DPP6: variants seen among roughly 807,000 people sequenced by gnomAD.
DPP6 encodes the protein A-type potassium channel modulatory protein DPP6.
In DPP6, 69 loss-of-function variants were observed where a neutral mutation model predicts 122.6. The observed-to-expected ratio is 0.56, with a 90% CI of 0.46 to 0.69. DPP6 has a LOEUF of 0.69. Among genes scored for constraint, DPP6 ranks in the 30% least tolerant of loss-of-function variants. DPP6 has a pLI of 0.00. For synonymous variants in DPP6, 418 were observed against 433.1 expected (o/e 0.97, Z 0.43); for missense variants, 928 against 1,116.9 (o/e 0.83, Z 2.41).
intron 8 of DPP6, among the ~76,000 whole-genome samples, chr7:154,738,555 CCTTT>C (rs1459158149): frequency 6.6e-6 from 1 of 152,162 alleles, no homozygotes; most frequent in Non-Finnish European, 1.5e-5. Context: ...ATTCTTCCGA[CCTTT>C]CTTAGATGAA....
chr7:154,031,933 C>T (rs145335334), intron 1 of DPP6, among the ~76,000 whole-genome samples: 2,688 of 149,598 alleles, frequency 0.018, 86 homozygotes, highest in African/African-American at 0.063. Context: ...ACAATCTCGG[C>T]TCACTGCAAG....
chr7:154,380,079 A>C (rs995658477), intron 1 of DPP6, among the ~76,000 whole-genome samples: 1 of 152,236 alleles, frequency 6.6e-6, no homozygotes, highest in African/African-American at 2.4e-5. Context: ...GGTTGAGGGG[A>C]GAATATACTA....
chr7:154,391,071 T>C (rs113992082), intron 1 of DPP6, among the ~76,000 whole-genome samples: 13 of 152,282 alleles, frequency 8.5e-5, no homozygotes, highest in African/African-American at 3.1e-4. Context: ...CATAAAGCTG[T>C]CAGTGCCATC....
the DPP6 span, among the ~76,000 whole-genome samples, chr7:153,882,067 A>G: frequency 6.2e-4 from 95 of 152,350 alleles, no homozygotes; most frequent in East Asian, 0.015. Flanking sequence ...GTCTCTCAAC[A>G]TATTTTAAGT....
At chr7:154,487,139 T>C (rs1823868884) in intron 3 of DPP6, among the ~76,000 whole-genome samples, 1 of 152,202 alleles carries the variant, frequency 6.6e-6, no homozygotes, top group Admixed American at 6.5e-5. Context: ...CTTCTTTTTT[T>C]GTTTTTGCTT....
intron 11 of DPP6, among the ~76,000 whole-genome samples, chr7:154,795,108 CGTG>C (rs1797961822): frequency 4.6e-5 from 7 of 152,046 alleles, no homozygotes; most frequent in Admixed American, 1.3e-4. Flanking sequence ...AAGGAAGGAA[CGTG>C]AGGACACAAA....
intron 18 of DPP6, 56 bp from the exon 19 acceptor site, chr7:154,872,568 G>A (rs377521580): frequency 7.3e-5 from 114 of 1,552,802 alleles, no homozygotes; most frequent in South Asian, 1.7e-4. Context: ...GGGCATGCCC[G>A]ATACCCCGTG....
chr7:153,870,789 C>A, the DPP6 span, among the ~76,000 whole-genome samples: 1 of 152,106 alleles, frequency 6.6e-6, no homozygotes, highest in South Asian at 2.1e-4. Context: ...TTTTATCTAC[C>A]TTTAGTCTTT....
chr7:154,326,930 T>C (rs1403263593), intron 1 of DPP6, among the ~76,000 whole-genome samples: 2 of 152,162 alleles, frequency 1.3e-5, no homozygotes, highest in African/African-American at 4.8e-5. Context: ...AGCCTGGAAA[T>C]AGTATTCACT....
At chr7:154,187,911 G>A (rs1159161634) in intron 1 of DPP6, among the ~76,000 whole-genome samples, 2 of 152,112 alleles carry the variant, frequency 1.3e-5, no homozygotes, top group Non-Finnish European at 2.9e-5. Context: ...TGAGGCCCGG[G>A]ATATCAATAC....
At chr7:153,803,682 ATATG>A in the DPP6 span, among the ~76,000 whole-genome samples, 10 of 151,396 alleles carry the variant, frequency 6.6e-5, no homozygotes, top group African/African-American at 2.4e-4. Context: ...GTGTATATAT[ATATG>A]TATTATATAT....
chr7:154,772,805 AG>A, intron 9 of DPP6, 39 bp from the exon 10 acceptor site: 1 of 1,593,938 alleles, frequency 6.3e-7, no homozygotes, highest in Non-Finnish European at 8.5e-7. Context: ...CTCTTGTATA[AG>A]GCTGCTTGTT....
chr7:154,400,141 G>A (rs917270264), intron 1 of DPP6, among the ~76,000 whole-genome samples: 2 of 152,294 alleles, frequency 1.3e-5, no homozygotes, highest in African/African-American at 4.8e-5. Flanking sequence ...GTTTGTCTGT[G>A]CAGGAAGCAG....
At chr7:154,854,383 T>G (rs1243553047) in intron 17 of DPP6, among the ~76,000 whole-genome samples, 1 of 151,410 alleles carries the variant, frequency 6.6e-6, no homozygotes, top group Non-Finnish European at 1.5e-5. Flanking sequence ...CCCGTGGGGG[T>G]TTATAGCCAG....
intron 8 of DPP6, among the ~76,000 whole-genome samples, chr7:154,756,327 G>A (rs967820954): frequency 1.3e-5 from 2 of 152,172 alleles, no homozygotes; most frequent in African/African-American, 2.4e-5. Flanking sequence ...TGCTCCCTCA[G>A]TTGGGCCCCT....
chr7:154,463,562 A>G (rs1331275173), intron 2 of DPP6, among the ~76,000 whole-genome samples: 1 of 152,070 alleles, frequency 6.6e-6, no homozygotes, highest in Non-Finnish European at 1.5e-5. Flanking sequence ...ACAGCTGGGA[A>G]TGTCCTGGGT....
At chr7:154,200,364 G>A (rs1799107362) in intron 1 of DPP6, among the ~76,000 whole-genome samples, 1 of 151,918 alleles carries the variant, frequency 6.6e-6, no homozygotes, top group African/African-American at 2.4e-5. Context: ...TTCCCTTCTC[G>A]CTATTTTGAA....
chr7:154,732,734 T>A (rs1563151091), intron 8 of DPP6, among the ~76,000 whole-genome samples: 1 of 152,112 alleles, frequency 6.6e-6, no homozygotes, highest in Non-Finnish European at 1.5e-5. Context: ...CCTTAACTAG[T>A]CAAGAACATA....
the DPP6 span, among the ~76,000 whole-genome samples, chr7:153,827,591 C>A: frequency 6.6e-6 from 1 of 152,062 alleles, no homozygotes; most frequent in Admixed American, 6.6e-5. Flanking sequence ...CAAACATGCC[C>A]CAAGAAATGC....
Sources: gnomAD v4.1 joint callset for allele counts (sites outside exome capture counted in the v4.1 genomes callset) on GRCh38, gnomAD v4.1.1 for gene constraint, MANE v1.5 for transcripts, NCBI Gene and HGNC (gene_info 2026-07-23, HGNC 2026-07-21) for gene names.